Variants in SSC5D observed in about 807,000 individuals in gnomAD.
SSC5D encodes soluble scavenger receptor cysteine-rich domain-containing protein SSC5D.
In SSC5D, 106 loss-of-function variants were observed where a neutral mutation model predicts 104.6. The ratio of observed to expected loss-of-function variants is 1.01; its 90% CI spans 0.87 to 1.19. The LOEUF (loss-of-function observed/expected upper bound fraction) is 1.19, where lower values mean the gene tolerates loss of function less well. SSC5D is among the 50% of genes most tolerant of loss of function. The pLI, the probability that SSC5D is intolerant of heterozygous loss-of-function variation, is 0.00. For missense variants in SSC5D, 1,993 were observed against 2,153.8 expected (o/e 0.93, Z 1.48); for synonymous variants, 860 against 883.5 (o/e 0.97, Z 0.47).
Position 55,493,930 on chromosome 19 carries a change from G to A in SSC5D, c.1213+18G>A. The stretch of plus-strand genomic sequence containing the variant: ...GTGTGACGGTGAGGGGGTTGTGGTG[G>A]AGGACCGGGAGGTGGGCGTGGTGGT... On this transcript the variant is annotated intron_variant, in intron 7 of 13. Transcript: ENST00000389623. 7.9e-6 allele frequency: 12 copies of A among 1,523,218 alleles called. No individual in the cohort carries two copies. The highest frequency in any genetic ancestry group is 1.1e-5 in the Non-Finnish European group (12 of 1,139,270). The allele number at this position is 1,523,218 out of a possible 1,614,324, so 94.4% of individuals were successfully genotyped here.
chr19:55,509,850 CAA>C (rs1250937223), intron 12 of SSC5D, among the ~76,000 whole-genome samples: 13 of 75,996 alleles, frequency 1.7e-4, no homozygotes, highest in African/African-American at 4.1e-4. Context: ...AACTCTGTCT[CAA>C]AAAAAAAAAA....
Position 55,489,050 on chromosome 19 carries a change from TC to T in SSC5D, c.52+21del. 2.2e-6 allele frequency: 3 copies of T among 1,382,798 alleles called. No homozygotes were observed. Among genetic ancestry groups the T allele is most frequent in the Non-Finnish European group, 2.8e-6 (3 of 1,065,986 alleles). The allele number at this position is 1,382,798 out of a possible 1,614,324, so 85.7% of individuals were successfully genotyped here. A position where few individuals can be genotyped will look rare whatever the true frequency, so the allele number is the denominator to read the frequency against. On this transcript the variant is annotated intron_variant, in intron 2 of 13. Transcript: ENST00000389623. ...GGCTGTTGGTAAGTGCCCAGACTCC[TC>T]CCATCTGCCCGCCCCCCCCCCCAGG...
rs1359443384 is a variant in SSC5D at position 55,490,050 on chromosome 19, C to G, written c.475+55C>G. ...CCACCCAGCGTGCCCTCCTGCCCCC[C>G]CCGAGGGGAGAGGGACTGCCCTGCC... On this transcript the variant is annotated intron_variant, in intron 4 of 13. Coordinates refer to ENST00000389623, the MANE Select transcript of SSC5D (RefSeq NM_001144950.2). The G allele has an allele frequency of 1.8e-5, 24 of 1,329,070 alleles. No homozygotes were observed. The Admixed American group carries it at 2.2e-4, about 12-fold the overall frequency. 82.3% of individuals were successfully genotyped at this position (1,329,070 alleles called of 1,614,324 possible). A position where few individuals can be genotyped will look rare whatever the true frequency, so the allele number is the denominator to read the frequency against.
At chr19:55,505,850 C>T (rs1987625634) in intron 12 of SSC5D, among the ~76,000 whole-genome samples, 1 of 151,780 alleles carries the variant, frequency 6.6e-6, no homozygotes, top group Non-Finnish European at 1.5e-5. Context: ...AATTCTTATG[C>T]CTCAGCCTCC....
chr19:55,518,309 T>C lies in SSC5D; in HGVS notation c.4033T>C (p.Leu1345=). Residue 1345 remains leucine (L), a synonymous_variant, in exon 14 of 14, where the codon TTG becomes CTG. Coordinates refer to ENST00000389623, the MANE Select transcript of SSC5D (RefSeq NM_001144950.2). The part of the protein sequence containing the change: ...VITTVSLPTS[L]GTELSSPTLA... ...CACTACTGTGTCCCTTCCAACCTCCTTGGGGACAGAACTCTCCTCTCCCAC... is the reference window on the plus strand; with the variant it reads ...CACTACTGTGTCCCTTCCAACCTCCCTGGGGACAGAACTCTCCTCTCCCAC... 1.3e-6 allele frequency: 2 copies of C among 1,528,390 alleles called. No individual in the cohort carries two copies. Among genetic ancestry groups the C allele is most frequent in the Non-Finnish European group, 1.8e-6 (2 of 1,139,840 alleles). The allele number at this position is 1,528,390 out of a possible 1,614,324, so 94.7% of individuals were successfully genotyped here.
chr19:55,491,187 C>A (rs1021980915), intron 6 of SSC5D, 107 bp downstream of exon 6: 2 of 1,275,380 alleles, frequency 1.6e-6, no homozygotes, highest in Admixed American at 2.7e-5. Flanking sequence ...GCCTCCTGCC[C>A]GCCTGCTCTC....
chr19:55,488,693 C>A, intron 1 of SSC5D, 79 bp downstream of exon 1: 1 of 1,328,098 alleles, frequency 7.5e-7, no homozygotes, highest in Non-Finnish European at 1.1e-6. Flanking sequence ...AGTTTAGGGA[C>A]TCAAACTTCC....
At chr19:55,493,977 T>TTGG in intron 7 of SSC5D, 65 bp downstream of exon 7, 3 of 23,770 alleles carry the variant, frequency 1.3e-4, no homozygotes, top group South Asian at 3.9e-4. Flanking sequence ...AGGGGCAAGT[T>TTGG]CGGCGGGGGC....
In SSC5D at chr19:55,500,162, G is replaced by A. The variant is rs1274699954; in HGVS notation, c.2052G>A (p.Pro684=). The A allele has an allele frequency of 1.0e-5, 16 of 1,550,848 alleles. No homozygotes were observed. The Admixed American group carries it at 1.2e-4, about 11-fold the overall frequency. ...RRPTSEFTRR[P]TTEAPQRWTS... is the part of the protein sequence containing the mutation. ...CTACCTCTGAGTTTACCAGAAGGCC[G>A]ACCACGGAGGCCCCCCAGAGATGGA... The change falls in exon 10 of 14, where the codon CCG becomes CCA. Residue 684 remains proline, a synonymous_variant. Transcript: ENST00000389623. This position sits in a 1 kb window ranked among gnomAD's most constrained non-coding sequence, Gnocchi z 4.6.
rs1338561117 is a variant in SSC5D at position 55,501,322 on chromosome 19, G to A, written c.2785+121G>A. 8.3e-6 allele frequency: 10 copies of A among 1,197,718 alleles called. No individual in the cohort carries two copies. In the East Asian group the frequency reaches 2.6e-4, roughly 31 times the overall value. The allele number at this position is 1,197,718 out of a possible 1,614,324, so 74.2% of individuals were successfully genotyped here. A position where few individuals can be genotyped will look rare whatever the true frequency, so the allele number is the denominator to read the frequency against. On this transcript the variant is annotated intron_variant, in intron 12 of 13. Coordinates refer to ENST00000389623, the MANE Select transcript of SSC5D (RefSeq NM_001144950.2). ...CTGAGGCCTCGGGGCACCCTGGAAA[G>A]GTTTTCCTTGGCTCCTGAGACCCTA...
At chr19:55,516,652 A>G (rs911831673) in intron 13 of SSC5D, among the ~76,000 whole-genome samples, 2 of 152,108 alleles carry the variant, frequency 1.3e-5, no homozygotes, top group Admixed American at 1.3e-4. Context: ...AATATTGCAT[A>G]AAAACGCTTG....
rs1987903858 is a variant in SSC5D at position 55,517,681 on chromosome 19, A to G, written c.3405A>G (p.Thr1135=). 3 of 1,551,524 alleles carry G rather than the reference A, an allele frequency of 1.9e-6. No homozygotes were observed. In the East Asian group the frequency reaches 7.3e-5, roughly 38 times the overall value. ...PDLDTTPYSS[T]VSEYSRSPDP... The stretch of plus-strand genomic sequence containing the variant: ...TGGACACAACTCCATACTCCAGTAC[A>G]GTCTCAGAATATTCTAGATCCCCAG... Residue 1135 remains threonine (T), a synonymous_variant, in exon 14 of 14, where the codon ACA becomes ACG. Coordinates refer to ENST00000389623, the MANE Select transcript of SSC5D (RefSeq NM_001144950.2).
intron 13 of SSC5D, 78 bp downstream of exon 13, chr19:55,513,250 T>TGGAA: frequency 7.4e-7 from 1 of 1,355,228 alleles, no homozygotes; most frequent in Admixed American, 3.0e-5. Flanking sequence ...GACTCCCCAC[T>TGGAA]GGAACCCTTA....
At chr19:55,509,444 C>T (rs1265530741) in intron 12 of SSC5D, among the ~76,000 whole-genome samples, 1 of 152,186 alleles carries the variant, frequency 6.6e-6, no homozygotes, top group African/African-American at 2.4e-5. Flanking sequence ...CAGCAAAACA[C>T]TGGGAGTAAC....
At chr19:55,516,180 AC>A (rs201381528) in intron 13 of SSC5D, among the ~76,000 whole-genome samples, 39 of 146,636 alleles carry the variant, frequency 2.7e-4, no homozygotes, top group African/African-American at 8.8e-4. Flanking sequence ...AAAAAAAAAA[AC>A]CCATGATGAA....
At position 55,497,990 on chromosome 19, in the gene SSC5D, G is replaced by A; in HGVS notation, c.1498G>A (p.Asp500Asn). The change falls in exon 9 of 14, where the codon GAT becomes AAT. Residue 500 changes from aspartate (D) to asparagine (N), a missense_variant. Asp to Asn is a conservative substitution (Grantham distance 23, BLOSUM62 1). Coordinates refer to ENST00000389623, the MANE Select transcript of SSC5D (RefSeq NM_001144950.2). ...TVCDDSWDMRDSAVVCRELGC... is the reference protein window; with the variant it reads ...TVCDDSWDMRNSAVVCRELGC... ...GTGTGACGATAGCTGGGACATGCGG[G>A]ATTCAGCTGTGGTCTGCCGGGAGCT... is the stretch of plus-strand genomic sequence containing the variant. 6.4e-7 allele frequency: 1 copy of A among 1,551,824 alleles called. No homozygotes were observed. Among genetic ancestry groups the A allele is most frequent in the Non-Finnish European group, 8.7e-7 (1 of 1,147,022 alleles).
intron 8 of SSC5D, among the ~76,000 whole-genome samples, chr19:55,495,237 T>A (rs77157853): frequency 0.27 from 6,341 of 23,350 alleles, 837 homozygotes; most frequent in African/African-American, 0.39. Context: ...ATATATATTT[T>A]TTTTTTTTTT....
At chr19:55,509,860 A>C (rs1401319080) in intron 12 of SSC5D, among the ~76,000 whole-genome samples, 2 of 82,400 alleles carry the variant, frequency 2.4e-5, no homozygotes, top group Non-Finnish European at 4.3e-5. Flanking sequence ...CAAAAAAAAA[A>C]AAAAAAAAAA....
At chr19:55,507,970 G>A (rs533439280) in intron 12 of SSC5D, among the ~76,000 whole-genome samples, 1 of 152,258 alleles carries the variant, frequency 6.6e-6, no homozygotes, top group Admixed American at 6.5e-5. Flanking sequence ...GCCATATTCT[G>A]GGGTTTGAGC....
Sources: allele counts gnomAD v4.1 joint callset (sites outside exome capture counted in the v4.1 genomes callset), GRCh38; gene constraint gnomAD v4.1.1; non-coding constraint Gnocchi (gnomAD v3.1); transcripts MANE v1.5; gene names NCBI Gene and HGNC (gene_info 2026-07-23, HGNC 2026-07-21).